PDCL: variants seen among roughly 807,000 people sequenced by gnomAD.
The protein encoded by PDCL is phosducin like, also known as phosducin-like protein.
In PDCL, 11 loss-of-function variants were observed where a neutral mutation model predicts 26.7. The ratio of observed to expected loss-of-function variants is 0.41; its 90% CI spans 0.26 to 0.68. The LOEUF (loss-of-function observed/expected upper bound fraction) is 0.68. Among genes scored for constraint, PDCL ranks in the 30% least tolerant of loss-of-function variants. The pLI is 0.30. For missense variants in PDCL, 330 were observed against 371.6 expected (o/e 0.89, Z 0.92); for synonymous variants, 118 against 134.9 (o/e 0.87, Z 0.87).
rs1018703939 is a variant in PDCL, at chr9:122,821,688, G to A, written c.355-1052C>T. Reference sequence around the variant, plus strand: ...CAGATAAATCAGCAGGACGGGAACAGCCTCTCACAAGACTGATCCATGTGA... The same window carrying A: ...CAGATAAATCAGCAGGACGGGAACAACCTCTCACAAGACTGATCCATGTGA... On this transcript the variant is annotated intron_variant, in intron 3 of 3. Transcript: ENST00000259467. Among the ~76,000 whole-genome samples, 3 of 152,054 alleles carry A rather than the reference G, an allele frequency of 2.0e-5. No individual in the cohort carries two copies. In the South Asian group the frequency reaches 6.2e-4, roughly 31 times the overall value.
intron 2 of PDCL, among the ~76,000 whole-genome samples, chr9:122,823,491 C>T (rs555341249): frequency 1.1e-3 from 161 of 152,258 alleles, no homozygotes; most frequent in African/African-American, 3.9e-3. Context: ...GTGTTTCCTG[C>T]CATTAAAGAT....
intron 1 of PDCL, among the ~76,000 whole-genome samples, chr9:122,827,888 T>C (rs1168832947): frequency 1.3e-5 from 2 of 152,096 alleles, no homozygotes; most frequent in Non-Finnish European, 2.9e-5. Flanking sequence ...GGGCCTATCA[T>C]ACTCCATTTA....
rs1198157434 is a variant in PDCL at position 122,826,724 on chromosome 9, C to A, written c.64G>T (p.Asp22Tyr). ...TTGTCCTCGTGGTCACTGTCCTCAT[C>A]CTCACTGCTGCTATAGTAGTACTGC... ...KLQYYYSSSE[D>Y]EDSDHEDKDR... Residue 22 changes from aspartate to tyrosine, a missense_variant, in exon 2 of 4, where the codon GAT becomes TAT. By Grantham distance (160) the Asp-to-Tyr change is radical. Coordinates refer to ENST00000259467, the MANE Select transcript of PDCL (RefSeq NM_005388.5). 1 of 1,614,048 alleles carries A rather than the reference C, an allele frequency of 6.2e-7. No individual in the cohort carries two copies. Among genetic ancestry groups the A allele is most frequent in the East Asian group, 2.2e-5 (1 of 44,894 alleles).
chr9:122,825,441 C>T (rs1419638153), intron 2 of PDCL, among the ~76,000 whole-genome samples: 1 of 152,132 alleles, frequency 6.6e-6, no homozygotes, highest in African/African-American at 2.4e-5. Flanking sequence ...GGATTACAGG[C>T]GTGAGCCACT....
At position 122,820,301 on chromosome 9, in the gene PDCL, C is replaced by T. The variant is rs1829536239; in HGVS notation, c.690G>A (p.Arg230=). The T allele has an allele frequency of 6.2e-7, 1 of 1,614,012 alleles. No individual in the cohort carries two copies. Among genetic ancestry groups the T allele is most frequent in the Non-Finnish European group, 8.5e-7 (1 of 1,180,024 alleles). Residue 230 remains arginine, a synonymous_variant, in exon 4 of 4, where the codon AGG becomes AGA. Coordinates refer to ENST00000259467, the MANE Select transcript of PDCL (RefSeq NM_005388.5). ...AGATCAGCAGGGCAGGAAGGGCATT[C>T]CTGGTGAACTGACTGCTGGCGCCAA... ...SVIGASSQFT[R]NALPALLIYK...
intron 1 of PDCL, among the ~76,000 whole-genome samples, chr9:122,827,500 G>A (rs1048531651): frequency 6.6e-6 from 1 of 152,210 alleles, no homozygotes; most frequent in Non-Finnish European, 1.5e-5. Flanking sequence ...GATCACTTGA[G>A]ACCAGGTATT....
At chr9:122,826,835 A>T in intron 1 of PDCL, 43 bp from the exon 2 acceptor site, 1 of 1,592,040 alleles carries the variant, frequency 6.3e-7, no homozygotes, top group Non-Finnish European at 8.6e-7. Context: ...GATTTGAGCC[A>T]GACAGACATG....
At position 122,818,951 on chromosome 9, in the gene PDCL, C is replaced by T. The variant is rs1480966038; in HGVS notation, c.*1134G>A. 1.3e-5 allele frequency: 2 copies of T among 151,782 alleles called. No homozygotes were observed. Among genetic ancestry groups the T allele is most frequent in the African/African-American group, 4.8e-5 (2 of 41,344 alleles). The allele number at this position is 151,782 out of a possible 1,614,324, so 9.4% of individuals were successfully genotyped here. On this transcript the variant is annotated 3_prime_UTR_variant, in exon 4 of 4. Transcript: ENST00000259467. ...TGCTATCTTTCTTTTTAAGAGACAACCATCAAGCAAATTATATCACATCTA... is the reference window on the plus strand; with the variant it reads ...TGCTATCTTTCTTTTTAAGAGACAATCATCAAGCAAATTATATCACATCTA...
In PDCL at chr9:122,827,535, G is replaced by A. The variant is rs140518550; in HGVS notation, c.-5-743C>T. ...TCGAGACCAGCCTGGCTAACATGGC[G>A]AAACTCTTGTCTCTACTAGTAAAAG... On this transcript the variant is annotated intron_variant, in intron 1 of 3. Coordinates refer to ENST00000259467, the MANE Select transcript of PDCL (RefSeq NM_005388.5). Among the ~76,000 whole-genome samples the A allele has an allele frequency of 2.7e-3, 414 of 152,226 alleles. 4 individuals are homozygous for A. The highest frequency in any genetic ancestry group is 0.018 in the East Asian group (94 of 5,176).
In PDCL at chr9:122,826,684, C is replaced by T; in HGVS notation, c.104G>A (p.Cys35Tyr). 3 of 1,614,224 alleles carry T rather than the reference C, an allele frequency of 1.9e-6. No individual in the cohort carries two copies. Among genetic ancestry groups the T allele is most frequent in the Non-Finnish European group, 2.5e-6 (3 of 1,180,044 alleles). Residue 35 changes from cysteine (C) to tyrosine (Y), a missense_variant, in exon 2 of 4, where the codon TGT (cysteine) becomes TAT (tyrosine). Physicochemically the swap from Cys to Tyr is radical, Grantham distance 194. Coordinates refer to ENST00000259467, the MANE Select transcript of PDCL (RefSeq NM_005388.5). The stretch of plus-strand genomic sequence containing the variant: ...AGGCACAGAACTGCTGGCTGGGGCA[C>T]ATCTGCCTCGGTCCTTGTCCTCGTG... ...SDHEDKDRGR[C>Y]APASSSVPAE...
intron 3 of PDCL, among the ~76,000 whole-genome samples, chr9:122,821,940 T>C (rs1168692459): frequency 1.3e-5 from 2 of 152,148 alleles, no homozygotes; most frequent in African/African-American, 4.8e-5. Context: ...GTTGTTACTT[T>C]ATCATAACCA....
In PDCL at chr9:122,826,800, A is replaced by C. The variant is rs1829634783; in HGVS notation, c.-5-8T>G. 6.2e-7 allele frequency: 1 copy of C among 1,613,480 alleles called. No individual in the cohort carries two copies. Among genetic ancestry groups the C allele is most frequent in the Non-Finnish European group, 8.5e-7 (1 of 1,179,658 alleles). The stretch of plus-strand genomic sequence containing the variant: ...CAAGGGTGGTCATGGTGTCTGGAAA[A>C]AGAAAGCATATCAGGTTCTTTGCTG... On this transcript the variant is annotated splice_region_variant and splice_polypyrimidine_tract_variant and intron_variant, in intron 1 of 3. Transcript: ENST00000259467.
rs548228605 is a variant in PDCL at position 122,818,097 on chromosome 9, G to A, written c.*1988C>T. Among the ~76,000 whole-genome samples the A allele has an allele frequency of 8.4e-4, 128 of 152,216 alleles. 1 individual carries two copies. Among genetic ancestry groups the A allele is most frequent in the African/African-American group, 2.9e-3 (120 of 41,540 alleles). On this transcript the variant is annotated 3_prime_UTR_variant, in exon 4 of 4. Transcript: ENST00000259467. The stretch of plus-strand genomic sequence containing the variant: ...AGTCTGGCCAACATGGTGAAACCCC[G>A]TCTCTAGTAAAAATACAAAAATTAG...
Position 122,820,275 on chromosome 9 carries a change from T to C in PDCL, c.716A>G (p.Tyr239Cys), listed in dbSNP as rs1314425193. ...TRNALPALLI[Y>C]KGGELIGNFV... ...ATTGCCGATCAATTCACCCCCCTTA[T>C]AGATCAGCAGGGCAGGAAGGGCATT... The change falls in exon 4 of 4, where the codon TAT becomes TGT. Residue 239 changes from tyrosine (Y) to cysteine (C), a missense_variant. Tyr to Cys is a radical substitution (Grantham distance 194, BLOSUM62 -2). Coordinates refer to ENST00000259467, the MANE Select transcript of PDCL (RefSeq NM_005388.5). The C allele has an allele frequency of 1.9e-6, 3 of 1,614,018 alleles. No individual in the cohort carries two copies. The highest frequency in any genetic ancestry group is 2.7e-5 in the African/African-American group (2 of 74,902).
rs771042865 is a variant in PDCL at position 122,826,766 on chromosome 9, A to G, written c.22T>C (p.Leu8=). 1.7e-5 allele frequency: 27 copies of G among 1,614,066 alleles called. No homozygotes were observed. In the South Asian group the frequency reaches 2.4e-4, roughly 14 times the overall value. Reference sequence around the variant, plus strand: ...TAGTACTGCAGTTTCTCCCCCAGCAACTTATCATCAAGGGTGGTCATGGTG... The same window carrying G: ...TAGTACTGCAGTTTCTCCCCCAGCAGCTTATCATCAAGGGTGGTCATGGTG... The part of the protein sequence containing the change: MTTLDDK[L]LGEKLQYYYS... Residue 8 remains leucine (L), a synonymous_variant, in exon 2 of 4, where the codon TTG becomes CTG. Coordinates refer to ENST00000259467, the MANE Select transcript of PDCL (RefSeq NM_005388.5).
rs369202479 is a variant in PDCL at position 122,823,262 on chromosome 9, C to T, written c.173-65G>A. On this transcript the variant is annotated intron_variant, in intron 2 of 3. Transcript: ENST00000259467. ...CAGGGAATTATGGACCAGCTGACAT[C>T]TGTAGGTAGGAGTTCACATCTGCCT... 6.9e-5 allele frequency: 104 copies of T among 1,510,678 alleles called. 1 individual carries two copies. In the South Asian group the frequency reaches 1.0e-3, roughly 15 times the overall value. 93.6% of individuals were successfully genotyped at this position (1,510,678 alleles called of 1,614,324 possible).
chr9:122,820,134 C>CG lies in PDCL; in HGVS notation c.856dup (p.Arg286ProfsTer2). ...CTCACTGTGACACGTGGCAGAGTTA[C>CG]GCACAGATGTCAGCACCAAGACTTC... is the stretch of plus-strand genomic sequence containing the variant. On this transcript the variant is annotated frameshift_variant, in exon 4 of 4. Coordinates refer to ENST00000259467, the MANE Select transcript of PDCL (RefSeq NM_005388.5). LOFTEE classifies it high-confidence loss of function. The CG allele has an allele frequency of 6.2e-7, 1 of 1,613,732 alleles. No individual in the cohort carries two copies. The highest frequency in any genetic ancestry group is 2.2e-5 in the East Asian group (1 of 44,888).
At chr9:122,824,425 C>A (rs752433377) in intron 2 of PDCL, among the ~76,000 whole-genome samples, 7 of 152,188 alleles carry the variant, frequency 4.6e-5, no homozygotes, top group Non-Finnish European at 1.0e-4. Context: ...TAGAGGGACA[C>A]AGCCAAACTG....
At chr9:122,828,359 T>C (rs1240071352) in intron 1 of PDCL, 112 bp downstream of exon 1, 1 of 152,420 alleles carries the variant, frequency 6.6e-6, no homozygotes, top group Non-Finnish European at 1.5e-5. Flanking sequence ...CGCGGAGAAC[T>C]TGGGGGTCGA....
Sources: gnomAD v4.1 joint callset for allele counts (sites outside exome capture counted in the v4.1 genomes callset) on GRCh38, gnomAD v4.1.1 for gene constraint, MANE v1.5 for transcripts, NCBI Gene and HGNC (gene_info 2026-07-23, HGNC 2026-07-21) for gene names.